The following TCF7 variants were observed in gnomAD, a reference collection of about 807,000 sequenced individuals.
TCF7 encodes transcription factor 7, also known as T-cell-factor-7.
Under a neutral mutation model 46.8 loss-of-function variants are expected in TCF7, and 19 were observed. The ratio of observed to expected loss-of-function variants is 0.41; its 90% confidence interval spans 0.28 to 0.60. The LOEUF is 0.60. Among genes scored for constraint, TCF7 ranks in the 20% least tolerant of loss-of-function variants. The pLI is 0.35. For missense variants in TCF7, 547 were observed against 504.6 expected, an observed-to-expected ratio of 1.08 and a Z score of -0.81; for synonymous variants, 245 against 213.4, an observed-to-expected ratio of 1.15 and a Z score of -1.29.
upstream of TCF7, among the ~76,000 whole-genome samples, chr5:134,110,307 C>T (rs1313568815): frequency 6.6e-6 from 1 of 152,150 alleles, no homozygotes; most frequent in African/African-American, 2.4e-5. Flanking sequence ...AGGGATGGAG[C>T]AGGAGGGGAG....
At chr5:134,109,984 G>A (rs1295240520), upstream of TCF7, among the ~76,000 whole-genome samples, 2 of 152,152 alleles carry the variant, frequency 1.3e-5, no homozygotes, top group Admixed American at 1.3e-4. Flanking sequence ...GTTTGCCTTC[G>A]CTGTCGCCAC....
At chr5:134,110,919 A>G (rs1409942687), upstream of TCF7, among the ~76,000 whole-genome samples, 2 of 152,224 alleles carry the variant, frequency 1.3e-5, no homozygotes, top group Non-Finnish European at 2.9e-5. Context: ...CCATGAGAAC[A>G]TTCAGATGAT....
chr5:134,126,743 A>G (rs1359152553), intron 3 of TCF7, among the ~76,000 whole-genome samples: 2 of 152,176 alleles, frequency 1.3e-5, no homozygotes, highest in African/African-American at 4.8e-5. Context: ...CTAAAAATAC[A>G]AAAATTAGCC....
rs562655081 is a variant in TCF7, at chr5:134,138,986, T to G, written c.583T>G (p.Phe195Val). 1 of 1,614,020 alleles carries G rather than the reference T, an allele frequency of 6.2e-7. No homozygotes were observed. The highest frequency in any genetic ancestry group is 1.1e-5 in the South Asian group (1 of 91,086). ...TCTGCAGACCCCTGACCTCTCTGGCTTCTACTCCCTGACCTCAGGCAGCAT... is the reference window on the plus strand; with the variant it reads ...TCTGCAGACCCCTGACCTCTCTGGCGTCTACTCCCTGACCTCAGGCAGCAT... ...RPLQTPDLSG[F>V]YSLTSGSMGQ... is the part of the protein sequence containing the mutation. Residue 195 changes from phenylalanine (F) to valine (V), a missense_variant, in exon 5 of 10, where the codon TTC becomes GTC. This residue lies in a region of TCF7 where 425 missense variants were observed against 349.9 expected (regional missense o/e 1.21). Coordinates refer to ENST00000342854, the MANE Select transcript of TCF7 (RefSeq NM_003202.5).
chr5:134,115,758 C>G, intron 2 of TCF7, 151 bp from the exon 3 acceptor site: 6 of 1,467,026 alleles, frequency 4.1e-6, no homozygotes, highest in Non-Finnish European at 5.4e-6. Context: ...TCCCCTAAAA[C>G]TTGGCACTGC....
In TCF7 at chr5:134,146,434, C is replaced by T; in HGVS notation, c.*131C>T. 8.7e-7 allele frequency: 1 copy of T among 1,154,668 alleles called. No homozygotes were observed. Among genetic ancestry groups the T allele is most frequent in the South Asian group, 1.2e-5 (1 of 81,394 alleles). The allele number at this position is 1,154,668 out of a possible 1,614,324, so 71.5% of individuals were successfully genotyped here. A position where few individuals can be genotyped will look rare whatever the true frequency, so the allele number is the denominator to read the frequency against. On this transcript the variant is annotated 3_prime_UTR_variant, in exon 10 of 10. Transcript: ENST00000342854. Reference sequence around the variant, plus strand: ...CAGGTCTCTCCACTGCTCTCAGCCTCCCAACCCCAGGGCCCCCACAGGCCC... The same window carrying T: ...CAGGTCTCTCCACTGCTCTCAGCCTTCCAACCCCAGGGCCCCCACAGGCCC...
chr5:134,122,247 T>G (rs777385838), intron 3 of TCF7, among the ~76,000 whole-genome samples: 24 of 151,896 alleles, frequency 1.6e-4, no homozygotes, highest in Non-Finnish European at 2.5e-4. Flanking sequence ...TGGCCGGGAA[T>G]TTAGGGCGGT....
chr5:134,110,076 T>G (rs780789354), upstream of TCF7, among the ~76,000 whole-genome samples: 1 of 152,156 alleles, frequency 6.6e-6, no homozygotes, highest in African/African-American at 2.4e-5. Context: ...CCAAACCCAT[T>G]CATCAGGAAC....
Position 134,114,926 on chromosome 5 carries a change from G to T in TCF7, c.20G>T (p.Gly7Val). ...CGCACCATGCCGCAGCTGGACTCCG[G>T]CGGGGGCGGCGCGGGCGGCGGCGAC... is the stretch of plus-strand genomic sequence containing the variant. MPQLDS[G>V]GGGAGGGDDL... The change falls in exon 1 of 10, where the codon GGC becomes GTC. Residue 7 changes from glycine to valine, a missense_variant. By Grantham distance (109) the Gly-to-Val change is moderately radical. This residue lies in a region of TCF7 where 425 missense variants were observed against 349.9 expected (regional missense o/e 1.21). Coordinates refer to ENST00000342854, the MANE Select transcript of TCF7 (RefSeq NM_003202.5). The T allele has an allele frequency of 9.4e-7, 1 of 1,066,762 alleles. No individual in the cohort carries two copies. The highest frequency in any genetic ancestry group is 7.8e-5 in the East Asian group (1 of 12,836). The allele number at this position is 1,066,762 out of a possible 1,614,324, so 66.1% of individuals were successfully genotyped here. A position where few individuals can be genotyped will look rare whatever the true frequency, so the allele number is the denominator to read the frequency against.
chr5:134,142,552 C>T (rs1184252242), intron 6 of TCF7, among the ~76,000 whole-genome samples, 169 bp from the exon 7 acceptor site: 2 of 152,134 alleles, frequency 1.3e-5, no homozygotes, highest in Non-Finnish European at 2.9e-5. Flanking sequence ...CTATAAGGAA[C>T]AGTTACTTAG....
intron 3 of TCF7, among the ~76,000 whole-genome samples, chr5:134,116,897 G>A (rs1162459317): frequency 6.6e-6 from 1 of 152,228 alleles, no homozygotes; most frequent in Non-Finnish European, 1.5e-5. Flanking sequence ...GAGGACTGTG[G>A]TAAGTGAGTG....
At chr5:134,123,414 C>G (rs891554252) in intron 3 of TCF7, among the ~76,000 whole-genome samples, 2 of 152,248 alleles carry the variant, frequency 1.3e-5, no homozygotes, top group African/African-American at 4.8e-5. Context: ...AAGAGACTTT[C>G]ACTGGGAGCC....
chr5:134,112,948 C>A (rs1209989516), upstream of TCF7, among the ~76,000 whole-genome samples: 1 of 152,160 alleles, frequency 6.6e-6, no homozygotes, highest in African/African-American at 2.4e-5. Context: ...GGGTTCCCTA[C>A]AAACACATGA....
At chr5:134,123,480 A>T (rs954493110) in intron 3 of TCF7, 13 of 332,370 alleles carry the variant, frequency 3.9e-5, no homozygotes, top group African/African-American at 2.6e-4. Flanking sequence ...GAGGAGGGAG[A>T]GGCCAGTGGG....
At chr5:134,126,985 G>T (rs1757438480) in intron 3 of TCF7, among the ~76,000 whole-genome samples, 1 of 152,142 alleles carries the variant, frequency 6.6e-6, no homozygotes, top group South Asian at 2.1e-4. Context: ...GGCTCAGAGA[G>T]GATAAGGAAT....
At chr5:134,140,002 C>G (rs565345486) in intron 5 of TCF7, 2 of 152,414 alleles carry the variant, frequency 1.3e-5, no homozygotes, top group South Asian at 4.1e-4. Context: ...TGTAGGCCAG[C>G]CTTTCAAAAG....
rs1755647721 is a variant in TCF7 at position 134,115,305 on chromosome 5, C to T, written c.250-16C>T. The T allele has an allele frequency of 4.5e-6, 7 of 1,562,346 alleles. No homozygotes were observed. The highest frequency in any genetic ancestry group is 1.4e-5 in the African/African-American group (1 of 72,264). ...CGGTCCCACCGCCCCTCACTCCCCT[C>T]CGGTTCTCCCTCCAGGCTCTCGGGC... On this transcript the variant is annotated splice_polypyrimidine_tract_variant and intron_variant, in intron 1 of 9. Transcript: ENST00000342854.
intron 3 of TCF7, among the ~76,000 whole-genome samples, chr5:134,129,210 G>A (rs1561668591): frequency 6.6e-6 from 1 of 152,204 alleles, no homozygotes; most frequent in East Asian, 1.9e-4. Context: ...TTCCGGCAGG[G>A]GTGGAGCTCT....
intron 5 of TCF7, chr5:134,141,854 G>A (rs1041949363): frequency 4.5e-6 from 1 of 220,720 alleles, no homozygotes; most frequent in Admixed American, 5.3e-5. Flanking sequence ...TCAAGCAGGA[G>A]AGGGATGAGG....
Sources: allele counts gnomAD v4.1 joint callset (sites outside exome capture counted in the v4.1 genomes callset), GRCh38; gene constraint gnomAD v4.1.1; regional missense constraint gnomAD v4.1.1; transcripts MANE v1.5; gene names NCBI Gene and HGNC (gene_info 2026-07-23, HGNC 2026-07-21).